ARHGAP26: variants seen among roughly 807,000 people sequenced by gnomAD.
ARHGAP26 encodes the protein Rho GTPase activating protein 26, also known as rho GTPase-activating protein 26.
A neutral mutation model predicts 104.8 loss-of-function variants in ARHGAP26; 38 were observed. The observed-to-expected ratio is 0.36, with a 90% CI of 0.28 to 0.48. The LOEUF (loss-of-function observed/expected upper bound fraction) is 0.48, where lower values mean the gene tolerates loss of function less well. Among genes scored for constraint, ARHGAP26 ranks in the 20% least tolerant of loss-of-function variants. The pLI is 0.99. For synonymous variants in ARHGAP26, 341 were observed against 340.0 expected (o/e 1.00, Z -0.03); for missense variants, 704 against 947.9 (o/e 0.74, Z 3.38).
chr5:142,944,664 T>C (rs1266262562), intron 11 of ARHGAP26, among the ~76,000 whole-genome samples: 1 of 152,246 alleles, frequency 6.6e-6, no homozygotes, highest in East Asian at 1.9e-4. Flanking sequence ...TTTTCTCATG[T>C]TTATTGGCCG....
intron 1 of ARHGAP26, among the ~76,000 whole-genome samples, chr5:142,832,543 C>G (rs1256031321): frequency 6.6e-6 from 1 of 152,200 alleles, no homozygotes; most frequent in Non-Finnish European, 1.5e-5. Context: ...TTTCTTATGG[C>G]AGCTCAAGCT....
At chr5:142,873,336 C>A in intron 1 of ARHGAP26, 64 bp from the exon 2 acceptor site, 1 of 1,238,730 alleles carries the variant, frequency 8.1e-7, no homozygotes, top group Non-Finnish European at 1.2e-6. Flanking sequence ...CCAATAAGGG[C>A]AGCAAATCAG....
chr5:142,798,104 G>A (rs1761351736), intron 1 of ARHGAP26, among the ~76,000 whole-genome samples: 1 of 152,176 alleles, frequency 6.6e-6, no homozygotes. Context: ...TATAGCCAGG[G>A]TGGTCTTTTC....
At chr5:143,040,925 G>A (rs1783366187) in intron 13 of ARHGAP26, among the ~76,000 whole-genome samples, 1 of 152,234 alleles carries the variant, frequency 6.6e-6, no homozygotes, top group Admixed American at 6.5e-5. Flanking sequence ...TAAGTGCAAT[G>A]GGAAGCTATT....
chr5:143,056,130 T>A, intron 16 of ARHGAP26, 44 bp downstream of exon 16: 1 of 1,529,922 alleles, frequency 6.5e-7, no homozygotes, highest in Non-Finnish European at 9.0e-7. Flanking sequence ...AGAATAGATT[T>A]TTCTATTTCA....
chr5:142,997,600 T>G (rs1307610124), intron 11 of ARHGAP26, among the ~76,000 whole-genome samples: 1 of 142,914 alleles, frequency 7.0e-6, no homozygotes, highest in African/African-American at 2.6e-5. Context: ...TTTTTTTTAG[T>G]AGAGACAAGG....
intron 8 of ARHGAP26, among the ~76,000 whole-genome samples, chr5:142,906,838 T>C (rs1457340729): frequency 6.6e-6 from 1 of 152,262 alleles, no homozygotes; most frequent in East Asian, 1.9e-4. Flanking sequence ...CCATTGATAA[T>C]TATTAAACGT....
In ARHGAP26 at chr5:142,770,833, G is replaced by A; in HGVS notation, c.72G>A (p.Ser24=). 1 of 1,609,838 alleles carries A rather than the reference G, an allele frequency of 6.2e-7. No individual in the cohort carries two copies. The change falls in exon 1 of 23, where the codon TCG becomes TCA. Residue 24 remains serine, a synonymous_variant. Transcript: ENST00000645722. The stretch of plus-strand genomic sequence containing the variant: ...CGCACTTCCGAGAGACGCTCAAGTC[G>A]CACGAAGCAGAGCTGGACAAGACCA... ...DSPHFRETLK[S]HEAELDKTNK... is the part of the protein sequence containing the mutation.
At chr5:143,161,204 G>T (rs258793) in intron 20 of ARHGAP26, among the ~76,000 whole-genome samples, 1 of 151,554 alleles carries the variant, frequency 6.6e-6, no homozygotes, top group Non-Finnish European at 1.5e-5. Context: ...CAGAGACGGG[G>T]TTTTACCGTG....
At chr5:143,204,853 C>G (rs1400155331) in intron 20 of ARHGAP26, among the ~76,000 whole-genome samples, 4 of 151,810 alleles carry the variant, frequency 2.6e-5, no homozygotes, top group African/African-American at 4.8e-5. Flanking sequence ...CTGTGGTAAC[C>G]ACTGACCAAA....
intron 1 of ARHGAP26, among the ~76,000 whole-genome samples, chr5:142,817,426 G>A (rs879542841): frequency 2.6e-5 from 4 of 152,220 alleles, no homozygotes; most frequent in Non-Finnish European, 2.9e-5. Flanking sequence ...AGAGGCAAGT[G>A]CAGAACAGTC....
chr5:143,216,290 C>T (rs1422228160), intron 22 of ARHGAP26: 1 of 471,046 alleles, frequency 2.1e-6, no homozygotes, highest in African/African-American at 2.0e-5. Flanking sequence ...GACACATCTT[C>T]TCACATCTGC....
At chr5:142,994,309 C>G (rs1380815894) in intron 11 of ARHGAP26, among the ~76,000 whole-genome samples, 1 of 152,020 alleles carries the variant, frequency 6.6e-6, no homozygotes, top group Non-Finnish European at 1.5e-5. Flanking sequence ...AATCATGGGA[C>G]AGATGAGGAA....
At chr5:143,195,200 G>C (rs1322116834) in intron 20 of ARHGAP26, among the ~76,000 whole-genome samples, 2 of 152,238 alleles carry the variant, frequency 1.3e-5, no homozygotes, top group Admixed American at 1.3e-4. Context: ...ATTTGCAAGA[G>C]TTTAACTTAA....
chr5:143,023,217 T>C (rs1460263210), intron 12 of ARHGAP26, among the ~76,000 whole-genome samples: 2 of 152,242 alleles, frequency 1.3e-5, no homozygotes, highest in Non-Finnish European at 2.9e-5. Context: ...AACTCCCTGA[T>C]GGCGTTTTAT....
At chr5:143,114,240 C>T (rs1443289255) in intron 17 of ARHGAP26, among the ~76,000 whole-genome samples, 1 of 152,184 alleles carries the variant, frequency 6.6e-6, no homozygotes, top group African/African-American at 2.4e-5. Context: ...ATGTATCTGA[C>T]ACCCTCATTC....
intron 10 of ARHGAP26, among the ~76,000 whole-genome samples, chr5:142,930,129 A>G (rs1164095534): frequency 6.6e-6 from 1 of 152,208 alleles, no homozygotes; most frequent in Non-Finnish European, 1.5e-5. Context: ...AGCAGCACCT[A>G]CAGTAACACT....
At chr5:142,905,108 C>A (rs1023600259) in intron 8 of ARHGAP26, among the ~76,000 whole-genome samples, 3 of 152,104 alleles carry the variant, frequency 2.0e-5, no homozygotes, top group Non-Finnish European at 4.4e-5. Flanking sequence ...AAAGTGATCC[C>A]CTCTTTGCCC....
At chr5:143,166,600 T>C (rs1162856153) in intron 20 of ARHGAP26, among the ~76,000 whole-genome samples, 4 of 152,186 alleles carry the variant, frequency 2.6e-5, no homozygotes, top group Non-Finnish European at 4.4e-5. Context: ...CCATGACCCC[T>C]GACAGCCCCA....
Sources: gnomAD v4.1 joint callset for allele counts (sites outside exome capture counted in the v4.1 genomes callset) on GRCh38, gnomAD v4.1.1 for gene constraint, MANE v1.5 for transcripts, NCBI Gene and HGNC (gene_info 2026-07-23, HGNC 2026-07-21) for gene names.